Variants in TRPM3 observed in about 807,000 individuals in gnomAD.
TRPM3 encodes the protein transient receptor potential cation channel subfamily M member 3, also known as long transient receptor potential channel 3.
TRPM3 carries 77 observed loss-of-function variants against 181.2 expected under a neutral mutation model. The observed-to-expected ratio is 0.42, with a 90% CI of 0.35 to 0.51. The LOEUF (loss-of-function observed/expected upper bound fraction) is 0.51, where lower values mean the gene tolerates loss of function less well. TRPM3 is among the 20% of genes least tolerant of loss of function. The pLI is 0.01. For missense variants in TRPM3, 1,759 were observed against 2,196.7 expected (o/e 0.80, Z 3.98); for synonymous variants, 745 against 796.4 (o/e 0.94, Z 1.09).
At chr9:70,787,517 T>C (rs1054677036) in intron 6 of TRPM3, among the ~76,000 whole-genome samples, 13 of 151,336 alleles carry the variant, frequency 8.6e-5, no homozygotes, top group African/African-American at 3.2e-4. Flanking sequence ...AACCAAGATA[T>C]GTTAACATTA....
At chr9:70,623,835 T>A (rs1216405090) in intron 14 of TRPM3, among the ~76,000 whole-genome samples, 1 of 151,988 alleles carries the variant, frequency 6.6e-6, no homozygotes, top group Non-Finnish European at 1.5e-5. Context: ...GGAAATGCAC[T>A]TATGCGATTG....
intron 1 of TRPM3, among the ~76,000 whole-genome samples, chr9:71,368,812 TAAGTA>T (rs2092422161): frequency 6.6e-6 from 1 of 152,178 alleles, no homozygotes; most frequent in Non-Finnish European, 1.5e-5. Context: ...CAAACACTAA[TAAGTA>T]AATTTGACAA....
chr9:71,108,569 A>C (rs2070295225), intron 1 of TRPM3, among the ~76,000 whole-genome samples: 1 of 152,172 alleles, frequency 6.6e-6, no homozygotes, highest in Non-Finnish European at 1.5e-5. Context: ...AACTAAGGAG[A>C]CAGAAGGAAG....
intron 1 of TRPM3, among the ~76,000 whole-genome samples, chr9:71,344,323 T>C (rs1003489433): frequency 2.0e-5 from 3 of 151,938 alleles, no homozygotes; most frequent in Admixed American, 1.3e-4. Flanking sequence ...TCGTAGCGCA[T>C]GCCTGTAATC....
chr9:70,939,912 A>G (rs1321756578), intron 1 of TRPM3, among the ~76,000 whole-genome samples: 1 of 152,220 alleles, frequency 6.6e-6, no homozygotes, highest in Non-Finnish European at 1.5e-5. Context: ...TGCATTCAAT[A>G]AGACAGATTC....
chr9:71,068,462 C>A (rs1463250058), intron 1 of TRPM3, among the ~76,000 whole-genome samples: 1 of 152,178 alleles, frequency 6.6e-6, no homozygotes, highest in Non-Finnish European at 1.5e-5. Flanking sequence ...CACAATGAAC[C>A]AGGTGGCAGT....
intron 1 of TRPM3, among the ~76,000 whole-genome samples, chr9:71,357,511 C>T (rs188796882): frequency 1.3e-5 from 2 of 152,228 alleles, no homozygotes; most frequent in African/African-American, 2.4e-5. Context: ...ACTGTCCCCT[C>T]GCTTTGGCAG....
intron 1 of TRPM3, among the ~76,000 whole-genome samples, chr9:71,399,331 G>C (rs550119793): frequency 1.0e-3 from 158 of 152,064 alleles, no homozygotes; most frequent in Non-Finnish European, 1.8e-3. Flanking sequence ...CAACCTCCTT[G>C]CTTTATGAAG....
chr9:70,640,624 G>A lies in TRPM3; in HGVS notation c.1382C>T (p.Ala461Val), dbSNP rs1798517739. Reference sequence around the variant, plus strand: ...GATGTCGACTCTGTTCCAGGCTAAAGCTAAGCTCAGTTGGTCTGGGGCCGA... The same window carrying A: ...GATGTCGACTCTGTTCCAGGCTAAAACTAAGCTCAGTTGGTCTGGGGCCGA... Reference protein sequence around the residue: ...NASAPDQLSLALAWNRVDIAR... With the variant: ...NASAPDQLSLVLAWNRVDIAR... Residue 461 changes from alanine (A) to valine (V), a missense_variant, in exon 10 of 26, where the codon GCT becomes GTT. Around this residue, in one of 8 missense-constraint regions of TRPM3, gnomAD observed 737 missense variants for 957.4 expected, o/e 0.77. Transcript: ENST00000677713. The A allele has an allele frequency of 6.2e-7, 1 of 1,613,624 alleles. No individual in the cohort carries two copies. Among genetic ancestry groups the A allele is most frequent in the South Asian group, 1.1e-5 (1 of 91,032 alleles).
At chr9:70,896,256 G>T (rs979473727) in intron 1 of TRPM3, among the ~76,000 whole-genome samples, 3 of 152,136 alleles carry the variant, frequency 2.0e-5, no homozygotes, top group African/African-American at 7.2e-5. Flanking sequence ...TTTTGGAGAT[G>T]TTCATTTCTA....
intron 1 of TRPM3, among the ~76,000 whole-genome samples, chr9:70,925,220 T>C (rs967789534): frequency 1.3e-5 from 2 of 152,198 alleles, no homozygotes; most frequent in Non-Finnish European, 2.9e-5. Context: ...TTAAGGGCGT[T>C]CAACGAAGTC....
intron 1 of TRPM3, among the ~76,000 whole-genome samples, chr9:71,350,506 A>T (rs2091562245): frequency 6.6e-6 from 1 of 152,158 alleles, no homozygotes; most frequent in African/African-American, 2.4e-5. Context: ...TTATACTTCC[A>T]CCTAAGGCTG....
intron 1 of TRPM3, among the ~76,000 whole-genome samples, chr9:71,095,527 G>A (rs2066995663): frequency 1.3e-5 from 2 of 152,154 alleles, no homozygotes; most frequent in Non-Finnish European, 2.9e-5. Flanking sequence ...GGAAGGCCAA[G>A]GAGGGTGGAT....
In TRPM3 at chr9:70,530,283, T is replaced by C. The variant is rs1197565392; in HGVS notation, c.*5670A>G. On this transcript the variant is annotated 3_prime_UTR_variant, in exon 26 of 26. Transcript: ENST00000677713. ...GGTGAAAAAGCAGCTAGTCTTAGAC[T>C]AAGAGAAGAGAAGCAAGAAGAGGGG... The C allele has an allele frequency of 1.3e-5, 2 of 152,266 alleles. No individual in the cohort carries two copies. The highest frequency in any genetic ancestry group is 4.8e-5 in the African/African-American group (2 of 41,418). The allele number at this position is 152,266 out of a possible 1,614,324, so 9.4% of individuals were successfully genotyped here.
At chr9:71,360,402 C>A (rs574782573) in intron 1 of TRPM3, among the ~76,000 whole-genome samples, 1 of 152,258 alleles carries the variant, frequency 6.6e-6, no homozygotes, top group African/African-American at 2.4e-5. Context: ...AACAACAGAT[C>A]AGACTTAAGA....
intron 1 of TRPM3, among the ~76,000 whole-genome samples, chr9:71,174,364 A>G (rs1667506195): frequency 6.6e-6 from 1 of 152,180 alleles, no homozygotes; most frequent in Non-Finnish European, 1.5e-5. Flanking sequence ...CAACATGGCA[A>G]AACCCAGTCT....
At chr9:71,426,533 A>G (rs1237173540) in intron 1 of TRPM3, among the ~76,000 whole-genome samples, 1 of 152,118 alleles carries the variant, frequency 6.6e-6, no homozygotes, top group Admixed American at 6.6e-5. Flanking sequence ...AACTCTCTTG[A>G]TTATACCCAG....
intron 22 of TRPM3, among the ~76,000 whole-genome samples, chr9:70,589,037 C>T (rs1046813909): frequency 3.3e-5 from 5 of 152,300 alleles, no homozygotes; most frequent in Non-Finnish European, 4.4e-5. Flanking sequence ...AAGGGCATCA[C>T]GAAGGCTGCA....
intron 6 of TRPM3, among the ~76,000 whole-genome samples, chr9:70,808,024 G>C (rs537993695): frequency 6.6e-6 from 1 of 152,282 alleles, no homozygotes; most frequent in South Asian, 2.1e-4. Flanking sequence ...AAGGGAAACT[G>C]TAAGTATCTT....
Sources: allele counts gnomAD v4.1 joint callset (sites outside exome capture counted in the v4.1 genomes callset), GRCh38; gene constraint gnomAD v4.1.1; regional missense constraint gnomAD v4.1.1; transcripts MANE v1.5; gene names NCBI Gene and HGNC (gene_info 2026-07-23, HGNC 2026-07-21).